SORBS2: variants seen among roughly 807,000 people sequenced by gnomAD.
The protein encoded by SORBS2 is sorbin and SH3 domain-containing protein 2.
Under a neutral mutation model 97.7 loss-of-function variants are expected in SORBS2, and 46 were observed. The observed-to-expected ratio is 0.47, with a 90% CI of 0.37 to 0.60. The LOEUF (loss-of-function observed/expected upper bound fraction) is 0.60, where lower values mean the gene tolerates loss of function less well. SORBS2 is among the 20% of genes least tolerant of loss of function. The pLI is 0.00. For synonymous variants in SORBS2, 476 were observed against 473.4 expected (o/e 1.01, Z -0.07); for missense variants, 1,316 against 1,282.3 (o/e 1.03, Z -0.40).
intron 1 of SORBS2, among the ~76,000 whole-genome samples, chr4:185,839,055 G>A (rs1248210374): frequency 1.3e-5 from 2 of 152,158 alleles, no homozygotes; most frequent in Non-Finnish European, 2.9e-5. Context: ...CCCCAACACT[G>A]CACGATGTTA....
At chr4:185,724,910 G>A (rs980800776) in intron 2 of SORBS2, among the ~76,000 whole-genome samples, 4 of 152,012 alleles carry the variant, frequency 2.6e-5, no homozygotes, top group Non-Finnish European at 4.4e-5. Context: ...TTTCCTTCAC[G>A]TCTGTTTCTC....
chr4:185,815,766 T>C (rs2099192938), intron 1 of SORBS2, among the ~76,000 whole-genome samples: 1 of 152,218 alleles, frequency 6.6e-6, no homozygotes, highest in Admixed American at 6.5e-5. Flanking sequence ...CTGTGTATCA[T>C]CTATGGAAGG....
At position 185,662,299 on chromosome 4, in the gene SORBS2, A is replaced by T. The variant is rs1226520493; in HGVS notation, c.-45-57T>A. ...TAGCACATAGTTCCCTGTAAACATC[A>T]TTCCATTAGGTGATAATAAAAGACT... On this transcript the variant is annotated intron_variant, in intron 4 of 20. Coordinates refer to the SORBS2 transcript ENST00000284776. 4.0e-6 allele frequency: 6 copies of T among 1,516,750 alleles called. No homozygotes were observed. The East Asian group carries it at 1.2e-4, about 31-fold the overall frequency. The allele number at this position is 1,516,750 out of a possible 1,614,324, so 94.0% of individuals were successfully genotyped here. A position where few individuals can be genotyped will look rare whatever the true frequency, so the allele number is the denominator to read the frequency against.
At chr4:185,812,401 T>C (rs1396418077) in intron 1 of SORBS2, among the ~76,000 whole-genome samples, 2 of 152,372 alleles carry the variant, frequency 1.3e-5, no homozygotes, top group Middle Eastern at 3.4e-3. Flanking sequence ...GCTTCTGTTA[T>C]CTTTCTACAC....
intron 1 of SORBS2, among the ~76,000 whole-genome samples, chr4:185,930,606 A>C (rs1481332505): frequency 6.6e-6 from 1 of 152,040 alleles, no homozygotes; most frequent in Non-Finnish European, 1.5e-5. Flanking sequence ...CCCTGGATAG[A>C]GTTTTAAACT....
intron 2 of SORBS2, among the ~76,000 whole-genome samples, chr4:185,712,248 G>T (rs1328839681): frequency 6.6e-6 from 1 of 152,138 alleles, no homozygotes; most frequent in Non-Finnish European, 1.5e-5. Flanking sequence ...ACAGATGAAT[G>T]TCAGAGAGAA....
chr4:185,942,262 G>GCC (rs764676588), intron 1 of SORBS2, among the ~76,000 whole-genome samples: 1 of 152,090 alleles, frequency 6.6e-6, no homozygotes, highest in Admixed American at 6.6e-5. Context: ...AGGGCAACAG[G>GCC]CCCCCCATAG....
chr4:185,604,550 G>A (rs916592801), intron 12 of SORBS2, among the ~76,000 whole-genome samples: 4 of 152,174 alleles, frequency 2.6e-5, no homozygotes, highest in East Asian at 1.9e-4. Flanking sequence ...GAGGAAAGAC[G>A]AGAGGTGATT....
chr4:185,839,694 A>C (rs1251510062), intron 1 of SORBS2, among the ~76,000 whole-genome samples: 1 of 152,226 alleles, frequency 6.6e-6, no homozygotes, highest in Non-Finnish European at 1.5e-5. Flanking sequence ...CATACGTATA[A>C]AACTCTAAAA....
intron 6 of SORBS2, among the ~76,000 whole-genome samples, chr4:185,624,949 T>C (rs1581230529): frequency 1.3e-5 from 2 of 152,346 alleles, no homozygotes; most frequent in South Asian, 4.1e-4. Context: ...TTCGTAATGA[T>C]ACATAGGTGA....
At chr4:185,844,337 C>T (rs932634921) in intron 1 of SORBS2, among the ~76,000 whole-genome samples, 2 of 152,124 alleles carry the variant, frequency 1.3e-5, no homozygotes, top group Non-Finnish European at 2.9e-5. Context: ...TGCGAATGAT[C>T]GGCAGACACA....
intron 2 of SORBS2, among the ~76,000 whole-genome samples, chr4:185,680,762 T>C (rs2097856408): frequency 6.6e-6 from 1 of 152,054 alleles, no homozygotes; most frequent in Admixed American, 6.6e-5. Flanking sequence ...GAAGAAGGTG[T>C]ACTGGGCGGG....
chr4:185,678,487 G>T, exon 4 of SORBS2: 1 of 1,550,672 alleles, frequency 6.4e-7, no homozygotes, highest in Non-Finnish European at 8.7e-7. Context: ...TGCTGCAAGA[G>T]AGGAATATGT....
chr4:185,933,229 C>T (rs2099267316), intron 1 of SORBS2: 1 of 152,222 alleles, frequency 6.6e-6, no homozygotes, highest in Non-Finnish European at 1.5e-5. Flanking sequence ...TTGGTAAAAA[C>T]ACAATCCACC....
At chr4:185,657,283 A>G (rs765579454), upstream of SORBS2, 3 of 674,202 alleles carry the variant, frequency 4.4e-6, no homozygotes. Flanking sequence ...CACACACAGC[A>G]TAACATTCAT....
intron 1 of SORBS2, among the ~76,000 whole-genome samples, chr4:185,928,314 G>A (rs571078991): frequency 6.6e-6 from 1 of 152,240 alleles, no homozygotes; most frequent in South Asian, 2.1e-4. Context: ...TGAGGCGGGA[G>A]GATCACTTGA....
chr4:185,694,719 T>TTTTTTTTA (rs2098148747), intron 2 of SORBS2, among the ~76,000 whole-genome samples: 1 of 143,388 alleles, frequency 7.0e-6, no homozygotes, highest in African/African-American at 2.5e-5. Flanking sequence ...TTCTTTTCTT[T>TTTTTTTTA]TTTTTGAGAC....
At chr4:185,900,380 C>T (rs1341855956) in intron 1 of SORBS2, among the ~76,000 whole-genome samples, 1 of 152,128 alleles carries the variant, frequency 6.6e-6, no homozygotes, top group Admixed American at 6.6e-5. Context: ...AAGTACAAGT[C>T]CCAGTTCTCT....
intron 4 of SORBS2, chr4:185,677,439 G>A: frequency 6.4e-7 from 1 of 1,552,182 alleles, no homozygotes; most frequent in African/African-American, 1.4e-5. Context: ...GGTTGTGTTA[G>A]ATTCTTCAGA....
Sources: gnomAD v4.1 joint callset for allele counts (sites outside exome capture counted in the v4.1 genomes callset) on GRCh38, gnomAD v4.1.1 for gene constraint, MANE v1.5 for transcripts, NCBI Gene and HGNC (gene_info 2026-07-23, HGNC 2026-07-21) for gene names.